PPP2R2B: variants seen among roughly 807,000 people sequenced by gnomAD.
PPP2R2B encodes the protein protein phosphatase 2 regulatory subunit Bbeta, also known as serine/threonine-protein phosphatase 2A 55 kDa regulatory subunit B beta isoform.
Under a neutral mutation model 46.0 loss-of-function variants are expected in PPP2R2B, and 5 were observed. The observed-to-expected ratio is 0.11, with a 90% confidence interval of 0.06 to 0.23. PPP2R2B has a LOEUF of 0.23. Among genes scored for constraint, PPP2R2B ranks in the 10% least tolerant of loss-of-function variants. The pLI is 1.00. For missense variants in PPP2R2B, 367 were observed against 575.0 expected, an observed-to-expected ratio of 0.64 and a Z score of 3.70; for synonymous variants, 215 against 206.7, an observed-to-expected ratio of 1.04 and a Z score of -0.34.
intron 8 of PPP2R2B, among the ~76,000 whole-genome samples, 166 bp from the exon 9 acceptor site, chr5:146,593,228 A>C (rs80005726): frequency 1.1e-3 from 167 of 152,336 alleles, no homozygotes; most frequent in African/African-American, 3.9e-3. Flanking sequence ...GCTGTAGGAC[A>C]TTAGGATGGG....
chr5:146,906,801 A>G (rs1242976525), intron 1 of PPP2R2B, among the ~76,000 whole-genome samples: 2 of 152,202 alleles, frequency 1.3e-5, no homozygotes, highest in African/African-American at 4.8e-5. Flanking sequence ...GTTCTACCTC[A>G]TGACTGTGGC....
chr5:146,945,647 A>T (rs1764455961), intron 1 of PPP2R2B, among the ~76,000 whole-genome samples: 1 of 152,220 alleles, frequency 6.6e-6, no homozygotes, highest in African/African-American at 2.4e-5. Flanking sequence ...GGCAATAGGA[A>T]ATAAAAATAG....
rs190180145 is a variant in PPP2R2B, at chr5:146,890,633, A to G, written c.79+165032T>C. Among the ~76,000 whole-genome samples, 19 of 152,350 alleles carry G rather than the reference A, an allele frequency of 1.2e-4. No homozygotes were observed. In the East Asian group the frequency reaches 3.3e-3, roughly 26 times the overall value. On this transcript the variant is annotated intron_variant, in intron 1 of 8. Transcript: ENST00000336640. ...ACCTTGAACTTGTAAGCAAGGTTGTATATATTTTAAAACTCAATAAATATT... is the reference window on the plus strand; with the variant it reads ...ACCTTGAACTTGTAAGCAAGGTTGTGTATATTTTAAAACTCAATAAATATT...
intron 2 of PPP2R2B, among the ~76,000 whole-genome samples, chr5:146,804,866 C>T (rs1432537435): frequency 6.6e-6 from 1 of 152,066 alleles, no homozygotes; most frequent in Non-Finnish European, 1.5e-5. Flanking sequence ...AGAAATGAGG[C>T]TGGGCAGAAA....
intron 2 of PPP2R2B, among the ~76,000 whole-genome samples, chr5:147,064,994 A>G (rs1432212560): frequency 6.6e-6 from 1 of 152,212 alleles, no homozygotes; most frequent in East Asian, 1.9e-4. Flanking sequence ...CATTTATTCA[A>G]TATGTATTTG....
intron 2 of PPP2R2B, among the ~76,000 whole-genome samples, chr5:146,728,193 G>A (rs1475556774): frequency 4.9e-5 from 6 of 121,958 alleles, no homozygotes; most frequent in African/African-American, 1.9e-4. Flanking sequence ...CAAAAGGAAA[G>A]CAAGGACAGG....
intron 1 of PPP2R2B, among the ~76,000 whole-genome samples, chr5:146,906,471 C>A (rs373226291): frequency 1.3e-5 from 2 of 152,038 alleles, no homozygotes; most frequent in African/African-American, 2.4e-5. Context: ...TACAGGCATG[C>A]GCCACCACGC....
intron 7 of PPP2R2B, among the ~76,000 whole-genome samples, chr5:146,606,788 C>T (rs897993565): frequency 6.6e-6 from 1 of 152,106 alleles, no homozygotes; most frequent in Non-Finnish European, 1.5e-5. Flanking sequence ...CCTCCTTGGT[C>T]CAAGTGTCTC....
intron 1 of PPP2R2B, among the ~76,000 whole-genome samples, chr5:147,005,636 G>A (rs1232055863): frequency 6.6e-6 from 1 of 152,008 alleles, no homozygotes. Flanking sequence ...GCTGGCAGAG[G>A]CAGCAGAAAG....
chr5:146,894,615 T>A (rs319178), intron 1 of PPP2R2B, among the ~76,000 whole-genome samples: 71,285 of 151,918 alleles, frequency 0.47, 18,018 homozygotes, highest in East Asian at 0.7. Flanking sequence ...AATTTTTGTG[T>A]TTTTAGTAGA....
chr5:146,962,614 G>A (rs1582505756), intron 1 of PPP2R2B, among the ~76,000 whole-genome samples: 1 of 151,840 alleles, frequency 6.6e-6, no homozygotes, highest in Non-Finnish European at 1.5e-5. Context: ...CCAAGATCAC[G>A]CCATTGCACT....
intron 1 of PPP2R2B, among the ~76,000 whole-genome samples, chr5:146,985,390 A>G (rs888761754): frequency 6.6e-6 from 1 of 152,146 alleles, no homozygotes; most frequent in African/African-American, 2.4e-5. Context: ...TTTACTGTGC[A>G]GAAGCTTTTT....
intron 2 of PPP2R2B, among the ~76,000 whole-genome samples, chr5:146,872,961 AT>A (rs1428901370): frequency 6.6e-6 from 1 of 152,184 alleles, no homozygotes; most frequent in Non-Finnish European, 1.5e-5. Flanking sequence ...TACCTTTAAT[AT>A]GCTGGTGATG....
intron 1 of PPP2R2B, among the ~76,000 whole-genome samples, chr5:146,964,086 T>G (rs751030768): frequency 3.9e-5 from 6 of 152,234 alleles, no homozygotes; most frequent in Non-Finnish European, 7.3e-5. Context: ...AAGATAGTTT[T>G]GCCTTGTCCA....
intron 2 of PPP2R2B, among the ~76,000 whole-genome samples, chr5:146,877,710 C>T (rs1030392135): frequency 2.6e-5 from 4 of 152,178 alleles, no homozygotes; most frequent in Non-Finnish European, 4.4e-5. Flanking sequence ...GGGTCATCTG[C>T]CTTCCTGGGG....
At chr5:146,912,592 C>A (rs1472812133) in intron 1 of PPP2R2B, among the ~76,000 whole-genome samples, 1 of 151,518 alleles carries the variant, frequency 6.6e-6, no homozygotes, top group Admixed American at 6.6e-5. Flanking sequence ...CGGCTCACCA[C>A]AACCTGGGTT....
At chr5:146,638,708 C>G (rs1403715952) in intron 6 of PPP2R2B, among the ~76,000 whole-genome samples, 1 of 152,162 alleles carries the variant, frequency 6.6e-6, no homozygotes, top group African/African-American at 2.4e-5. Flanking sequence ...CCAAAGTTAA[C>G]TGCTTGTGCA....
intron 1 of PPP2R2B, among the ~76,000 whole-genome samples, chr5:146,926,539 C>A (rs1018681590): frequency 6.6e-6 from 1 of 151,932 alleles, no homozygotes; most frequent in Non-Finnish European, 1.5e-5. Flanking sequence ...CCACAGGCTC[C>A]GATTTTATTT....
At chr5:146,749,898 A>G (rs949904116) in intron 2 of PPP2R2B, among the ~76,000 whole-genome samples, 1 of 151,888 alleles carries the variant, frequency 6.6e-6, no homozygotes, top group Non-Finnish European at 1.5e-5. Context: ...GCGCCTGGCC[A>G]ATTTCCTTTT....
Sources: gnomAD v4.1 joint callset for allele counts (sites outside exome capture counted in the v4.1 genomes callset) on GRCh38, gnomAD v4.1.1 for gene constraint, MANE v1.5 for transcripts, NCBI Gene and HGNC (gene_info 2026-07-23, HGNC 2026-07-21) for gene names.